JAKMIP3: variants seen among roughly 807,000 people sequenced by gnomAD.
JAKMIP3 encodes the protein Janus kinase and microtubule interacting protein 3.
JAKMIP3 carries 58 observed loss-of-function variants against 118.5 expected under a neutral mutation model. The ratio of observed to expected loss-of-function variants is 0.49; its 90% CI spans 0.40 to 0.61. The LOEUF is 0.61. JAKMIP3 is among the 20% of genes least tolerant of loss of function. The probability of loss-of-function intolerance (pLI) is 0.00; values close to 1 mark genes in which losing one functional copy is unlikely to be tolerated. For missense variants in JAKMIP3, 950 were observed against 1,109.0 expected, an observed-to-expected ratio of 0.86 and a Z score of 2.04; for synonymous variants, 486 against 451.2, an observed-to-expected ratio of 1.08 and a Z score of -0.98.
intron 9 of JAKMIP3, among the ~76,000 whole-genome samples, chr10:132,139,243 T>TGTGTGTGA (rs1554946355): frequency 0.11 from 15,805 of 139,204 alleles, 2,146 homozygotes; most frequent in African/African-American, 0.21. Flanking sequence ...TATGCATCTG[T>TGTGTGTGA]GTGTGTATGT....
At chr10:132,127,463 C>T (rs145383990) in intron 3 of JAKMIP3, among the ~76,000 whole-genome samples, 1,823 of 151,798 alleles carry the variant, frequency 0.012, 32 homozygotes, top group Non-Finnish European at 0.013. Context: ...CCATGTTGGC[C>T]AGGCTGGTCT....
At chr10:132,166,434 C>A (rs1273207243) in intron 21 of JAKMIP3, among the ~76,000 whole-genome samples, 1 of 152,196 alleles carries the variant, frequency 6.6e-6, no homozygotes, top group African/African-American at 2.4e-5. Context: ...ATGGGCCTGG[C>A]TCCCGACCCC....
intron 12 of JAKMIP3, 143 bp from the exon 13 acceptor site, chr10:132,145,375 G>C (rs1006473991): frequency 2.1e-6 from 2 of 940,994 alleles, no homozygotes; most frequent in Non-Finnish European, 3.2e-6. Flanking sequence ...CACCACGCCC[G>C]GCTAATTTTT....
intron 1 of JAKMIP3, among the ~76,000 whole-genome samples, chr10:132,042,219 T>C (rs12766278): frequency 6.6e-3 from 191 of 28,952 alleles, no homozygotes; most frequent in African/African-American, 0.011. Context: ...TCCTTCCTTC[T>C]TTCCTCCTCC....
rs1410436555 is a variant in JAKMIP3 at position 132,044,044 on chromosome 10, T to C, written c.-138+7306T>C. 6.6e-6 allele frequency among the ~76,000 whole-genome samples: 1 copy of C among 152,174 alleles called. No homozygotes were observed. The highest frequency in any genetic ancestry group is 2.4e-5 in the African/African-American group (1 of 41,462). On this transcript the variant is annotated intron_variant, in intron 1 of 23. Coordinates refer to the JAKMIP3 transcript ENST00000657785. This position sits in a 1 kb window ranked among gnomAD's most constrained non-coding sequence, Gnocchi z 5.3. ...GCACAGACCTCGGGGTTCAGTAGGC[T>C]CTCAGGCAGTTCAGATACCGTGTGT... is the stretch of plus-strand genomic sequence containing the variant.
At chr10:132,103,472 C>A in intron 1 of JAKMIP3, among the ~76,000 whole-genome samples, 1 of 39,338 alleles carries the variant, frequency 2.5e-5, no homozygotes. Context: ...GGAGGAGCAG[C>A]TGGAGGGGAA....
intron 1 of JAKMIP3, among the ~76,000 whole-genome samples, chr10:132,086,797 G>T (rs1056003259): frequency 6.6e-6 from 1 of 152,182 alleles, no homozygotes; most frequent in Non-Finnish European, 1.5e-5. Flanking sequence ...CTTGGTTGGT[G>T]AATTCTTACC....
rs869250608 is a variant in JAKMIP3 at position 132,180,674 on chromosome 10, T to TGC, written c.*1104-1675_*1104-1674dup. Among the ~76,000 whole-genome samples the TGC allele has an allele frequency of 7.8e-4, 15 of 19,318 alleles. 3 individuals are homozygous for TGC. Among genetic ancestry groups the TGC allele is most frequent in the African/African-American group, 1.9e-3 (10 of 5,338 alleles). The allele number at this position is 19,318 out of a possible 152,430, so 12.7% of individuals were successfully genotyped here. A position where few individuals can be genotyped will look rare whatever the true frequency, so the allele number is the denominator to read the frequency against. On this transcript the variant is annotated intron_variant, in intron 23 of 23. Transcript: ENST00000684848. ...GTGCGTGTGCGTGTGTGCGTGTGTGTGCGCGCGCGTGTGTGTGCGTGCGTG... is the reference window on the plus strand; with the variant it reads ...GTGCGTGTGCGTGTGTGCGTGTGTGTGCGCGCGCGCGTGTGTGTGCGTGCGTG...
intron 1 of JAKMIP3, among the ~76,000 whole-genome samples, chr10:132,095,469 C>T (rs1207741034): frequency 6.6e-6 from 1 of 152,186 alleles, no homozygotes; most frequent in Non-Finnish European, 1.5e-5. Flanking sequence ...CTCCCGTGAT[C>T]TAGACCTTCA....
At chr10:132,067,835 G>T (rs2039094049) in intron 1 of JAKMIP3, among the ~76,000 whole-genome samples, 1 of 143,818 alleles carries the variant, frequency 7.0e-6, no homozygotes, top group Non-Finnish European at 1.5e-5. Context: ...TGGACTGTGG[G>T]CTTCTGTGTG....
At chr10:132,087,097 GTA>G (rs2042494642) in intron 1 of JAKMIP3, among the ~76,000 whole-genome samples, 1 of 152,188 alleles carries the variant, frequency 6.6e-6, no homozygotes, top group Admixed American at 6.6e-5. Flanking sequence ...GGAAAAGACT[GTA>G]TGTTTCTTTC....
chr10:132,065,145 G>C (rs935034907), upstream of JAKMIP3, among the ~76,000 whole-genome samples: 3 of 152,124 alleles, frequency 2.0e-5, no homozygotes, highest in African/African-American at 4.8e-5. The surrounding 1 kb of genome is among the most constrained non-coding windows in gnomAD (Gnocchi z 5.6). Flanking sequence ...AGCCCTCAAG[G>C]CTGCCTTGAT....
intron 16 of JAKMIP3, among the ~76,000 whole-genome samples, chr10:132,152,533 G>T (rs1383166981): frequency 6.6e-6 from 1 of 152,206 alleles, no homozygotes; most frequent in Admixed American, 6.5e-5. Context: ...TGAACATGTG[G>T]TCTCTCCTCC....
At chr10:132,039,961 A>G (rs2037669305) in intron 1 of JAKMIP3, among the ~76,000 whole-genome samples, 1 of 152,214 alleles carries the variant, frequency 6.6e-6, no homozygotes, top group Admixed American at 6.5e-5. Flanking sequence ...TTTGTTTATA[A>G]AAATTCTAAA....
intron 3 of JAKMIP3, among the ~76,000 whole-genome samples, chr10:132,127,330 C>T (rs530069994): frequency 6.6e-6 from 1 of 150,950 alleles, no homozygotes; most frequent in South Asian, 2.1e-4. Context: ...TCAAGCGATT[C>T]TCCTGCCTCA....
Position 132,180,728 on chromosome 10 carries a change from T to TGC in JAKMIP3, c.*1104-1627_*1104-1626dup, listed in dbSNP as rs1186810345. ...GTGTGCGCGTGTGTGTGCGTGTGTGTGCGTGTGTGCGTGCGTGCGCGCGCG... is the reference window on the plus strand; with the variant it reads ...GTGTGCGCGTGTGTGTGCGTGTGTGTGCGCGTGTGTGCGTGCGTGCGCGCGCG... On this transcript the variant is annotated intron_variant, in intron 23 of 23. Coordinates refer to ENST00000684848, the MANE Select transcript of JAKMIP3 (RefSeq NM_001323087.2). 3.6e-3 allele frequency among the ~76,000 whole-genome samples: 71 copies of TGC among 19,832 alleles called. 10 individuals are homozygous for TGC. The highest frequency in any genetic ancestry group is 0.018 in the African/African-American group (57 of 3,148). 13.0% of individuals were successfully genotyped at this position (19,832 alleles called of 152,430 possible). A position where few individuals can be genotyped will look rare whatever the true frequency, so the allele number is the denominator to read the frequency against.
chr10:132,133,434 G>T lies in JAKMIP3; in HGVS notation c.756G>T (p.Gln252His). 1 of 1,590,946 alleles carries T rather than the reference G, an allele frequency of 6.3e-7. No individual in the cohort carries two copies. The highest frequency in any genetic ancestry group is 1.1e-5 in the South Asian group (1 of 87,158). Residue 252 changes from glutamine to histidine, a missense_variant, in exon 4 of 24, where the codon CAG becomes CAT. Coordinates refer to ENST00000684848, the MANE Select transcript of JAKMIP3 (RefSeq NM_001323087.2). ...AGGCTCTAGATGAGCAGCTGTCCCA[G>T]GTCCGAGAGGCCGACCGGCACCCGG... ...QKEALDEQLS[Q>H]VREADRHPGS... is the part of the protein sequence containing the mutation.
At position 132,143,040 on chromosome 10, in the gene JAKMIP3, G is replaced by A. The variant is rs79430417; in HGVS notation, c.1602+992G>A. On this transcript the variant is annotated intron_variant, in intron 11 of 23. Transcript: ENST00000684848. The stretch of plus-strand genomic sequence containing the variant: ...TGTCCACCCAGACCGCCCTGGTGAC[G>A]TGGCTGGTTTCCCTCCTGCCTTCCT... Among the ~76,000 whole-genome samples the A allele has an allele frequency of 3.8e-3, 576 of 152,214 alleles. 4 individuals carry two copies. The highest frequency in any genetic ancestry group is 0.013 in the African/African-American group (554 of 41,532).
At chr10:132,057,533 C>G (rs781659620) in intron 1 of JAKMIP3, among the ~76,000 whole-genome samples, 14 of 152,220 alleles carry the variant, frequency 9.2e-5, no homozygotes, top group Non-Finnish European at 1.6e-4. Context: ...AGTGTCAGAA[C>G]TGCATGAGAT....
Sources: allele counts gnomAD v4.1 joint callset (sites outside exome capture counted in the v4.1 genomes callset), GRCh38; gene constraint gnomAD v4.1.1; non-coding constraint Gnocchi (gnomAD v3.1); transcripts MANE v1.5; gene names NCBI Gene and HGNC (gene_info 2026-07-23, HGNC 2026-07-21).